The following CSMD1 variants were observed in gnomAD, a reference collection of about 807,000 sequenced individuals.
CSMD1 encodes CUB and Sushi multiple domains 1, also known as CUB and sushi domain-containing protein 1.
In CSMD1, 213 loss-of-function variants were observed where a neutral mutation model predicts 417.5. The observed-to-expected ratio is 0.51, with a 90% CI of 0.46 to 0.57. The LOEUF (loss-of-function observed/expected upper bound fraction) is 0.57, where lower values mean the gene tolerates loss of function less well. Ranked by LOEUF, CSMD1 falls within the 20% of genes least tolerant of loss-of-function variation. The probability of loss-of-function intolerance (pLI) is 0.00; values close to 1 mark genes in which losing one functional copy is unlikely to be tolerated. For missense variants in CSMD1, 6,923 were observed against 4,529.7 expected (o/e 1.53, Z -15.17); for synonymous variants, 2,862 against 1,736.8 (o/e 1.65, Z -16.11).
At chr8:3,552,753 T>A (rs1188827879) in intron 10 of CSMD1, among the ~76,000 whole-genome samples, 1 of 152,194 alleles carries the variant, frequency 6.6e-6, no homozygotes, top group African/African-American at 2.4e-5. Flanking sequence ...TTATATGAAT[T>A]TTATTGACAC....
At chr8:4,167,045 C>T (rs185130605) in intron 3 of CSMD1, among the ~76,000 whole-genome samples, 6 of 152,236 alleles carry the variant, frequency 3.9e-5, no homozygotes, top group African/African-American at 1.2e-4. Context: ...TGCTAGAAAA[C>T]AGCAACAAAC....
rs1475374196 is a variant in CSMD1 at position 3,932,287 on chromosome 8, A to C, written c.818+65616T>G. Reference sequence around the variant, plus strand: ...AATAGTTGGTTGAGAATTCTCAAGAAGTTTTGTTGCTCAGTTAAACATGTG... The same window carrying C: ...AATAGTTGGTTGAGAATTCTCAAGACGTTTTGTTGCTCAGTTAAACATGTG... On this transcript the variant is annotated intron_variant, in intron 5 of 69. Transcript: ENST00000635120. 3.3e-5 allele frequency among the ~76,000 whole-genome samples: 5 copies of C among 150,560 alleles called. No individual in the cohort carries two copies. The East Asian group carries it at 7.8e-4, about 23-fold the overall frequency.
chr8:4,284,531 C>A (rs754723393), intron 3 of CSMD1, among the ~76,000 whole-genome samples: 2 of 152,082 alleles, frequency 1.3e-5, no homozygotes, highest in African/African-American at 4.8e-5. Context: ...TAGGTTCTTG[C>A]GCGACACACT....
intron 3 of CSMD1, among the ~76,000 whole-genome samples, chr8:4,409,488 T>A (rs1360250789): frequency 6.6e-6 from 1 of 152,180 alleles, no homozygotes; most frequent in Non-Finnish European, 1.5e-5. Flanking sequence ...AAGTTGATAT[T>A]TGAGAACAAT....
chr8:3,176,557 G>T (rs543976760), intron 37 of CSMD1, among the ~76,000 whole-genome samples: 19 of 152,072 alleles, frequency 1.2e-4, no homozygotes, highest in Non-Finnish European at 2.2e-4. Flanking sequence ...ACCTACTAGA[G>T]AAATTTTCAG....
intron 1 of CSMD1, among the ~76,000 whole-genome samples, chr8:4,915,534 C>T (rs896778064): frequency 1.3e-5 from 2 of 152,096 alleles, no homozygotes; most frequent in Non-Finnish European, 2.9e-5. Flanking sequence ...GGCAGGAGCA[C>T]GGCTCTGAGG....
At chr8:4,217,386 A>C (rs545048875) in intron 3 of CSMD1, among the ~76,000 whole-genome samples, 1 of 152,330 alleles carries the variant, frequency 6.6e-6, no homozygotes, top group East Asian at 1.9e-4. Context: ...ACTTCATTTC[A>C]TGAAATATAA....
chr8:4,251,931 G>T lies in CSMD1; in HGVS notation c.415+168022C>A, dbSNP rs1803110432. On this transcript the variant is annotated intron_variant, in intron 3 of 69. Transcript: ENST00000635120. ...AGGATAATGTGGGAATGGGAAGGGA[G>T]GGAAAGAGAGTAGAGGGGAAGAAAG... Among the ~76,000 whole-genome samples the T allele has an allele frequency of 2.6e-5, 4 of 151,572 alleles. No individual in the cohort carries two copies. The South Asian group carries it at 8.4e-4, about 32-fold the overall frequency.
intron 18 of CSMD1, among the ~76,000 whole-genome samples, chr8:3,381,812 G>C (rs1459315007): frequency 1.3e-5 from 2 of 152,144 alleles, no homozygotes; most frequent in African/African-American, 2.4e-5. Context: ...AGTTATCTCT[G>C]AAGAGGCGAG....
At chr8:3,713,841 G>C (rs1263397328) in intron 6 of CSMD1, among the ~76,000 whole-genome samples, 1 of 152,080 alleles carries the variant, frequency 6.6e-6, no homozygotes, top group Non-Finnish European at 1.5e-5. Context: ...GGGAGAAATG[G>C]GTGAAAAATA....
At chr8:4,167,723 T>G (rs1321446451) in intron 3 of CSMD1, among the ~76,000 whole-genome samples, 1 of 152,172 alleles carries the variant, frequency 6.6e-6, no homozygotes, top group Non-Finnish European at 1.5e-5. Flanking sequence ...GGTGCAGTGG[T>G]TCACACCTGT....
At chr8:3,988,071 A>G (rs909168281) in intron 5 of CSMD1, among the ~76,000 whole-genome samples, 1 of 152,226 alleles carries the variant, frequency 6.6e-6, no homozygotes, top group African/African-American at 2.4e-5. Context: ...CTAAAAACAT[A>G]GGGAAGCTGT....
chr8:4,042,614 T>G (rs1797947282), intron 3 of CSMD1, among the ~76,000 whole-genome samples: 1 of 151,588 alleles, frequency 6.6e-6, no homozygotes, highest in Non-Finnish European at 1.5e-5. Context: ...GATACCCGTA[T>G]GGGGAATTAT....
At position 4,413,408 on chromosome 8, in the gene CSMD1, G is replaced by C. The variant is rs80176695; in HGVS notation, c.415+6545C>G. On this transcript the variant is annotated intron_variant, in intron 3 of 69. Transcript: ENST00000635120. ...GTAGCACATAAGCCTCGCTAGATTA[G>C]CTAAATTTGTTTCTTTAGGGCAGTT... 5.6e-3 allele frequency among the ~76,000 whole-genome samples: 852 copies of C among 152,234 alleles called. 31 individuals are homozygous for C. In the East Asian group the frequency reaches 0.088, roughly 16 times the overall value.
chr8:3,071,665 T>C (rs117216196), intron 49 of CSMD1, among the ~76,000 whole-genome samples: 2,577 of 152,344 alleles, frequency 0.017, 32 homozygotes, highest in East Asian at 0.039. Flanking sequence ...TCCATTTGAA[T>C]GCATAAGGCT....
intron 5 of CSMD1, among the ~76,000 whole-genome samples, chr8:3,944,914 T>C (rs1811121503): frequency 6.6e-6 from 1 of 152,184 alleles, no homozygotes; most frequent in Non-Finnish European, 1.5e-5. Flanking sequence ...TCAGTGTTTC[T>C]GAACGCTGTC....
chr8:3,482,216 G>A (rs1033988290), intron 11 of CSMD1, among the ~76,000 whole-genome samples: 10 of 152,046 alleles, frequency 6.6e-5, no homozygotes, highest in African/African-American at 2.4e-4. Context: ...GTCTAGATAT[G>A]CCACTGAAAT....
chr8:4,482,556 A>T (rs1411427246), intron 2 of CSMD1, among the ~76,000 whole-genome samples: 1 of 152,206 alleles, frequency 6.6e-6, no homozygotes, highest in Non-Finnish European at 1.5e-5. Flanking sequence ...CAATGAACAC[A>T]CATGTGCACG....
In CSMD1 at chr8:4,351,729, G is replaced by C. The variant is rs78120165; in HGVS notation, c.415+68224C>G. Among the ~76,000 whole-genome samples, 157 of 152,218 alleles carry C rather than the reference G, an allele frequency of 1.0e-3. 1 individual carries two copies. In the East Asian group the frequency reaches 0.022, roughly 22 times the overall value. On this transcript the variant is annotated intron_variant, in intron 3 of 69. Transcript: ENST00000635120. ...TTAGCCAGACATGGAAAAGAAAAAG[G>C]CCTTCTAGGTTGAGCAAGACCCACT...
Sources: allele counts gnomAD v4.1 joint callset (sites outside exome capture counted in the v4.1 genomes callset), GRCh38; gene constraint gnomAD v4.1.1; transcripts MANE v1.5; gene names NCBI Gene and HGNC (gene_info 2026-07-23, HGNC 2026-07-21).